The following XKR4 variants were observed in gnomAD, a reference collection of about 807,000 sequenced individuals.
XKR4 encodes the protein XK related 4, also known as XK-related protein 4.
XKR4 carries 12 observed loss-of-function variants against 53.9 expected under a neutral mutation model. The observed-to-expected ratio is 0.22, with a 90% confidence interval of 0.14 to 0.36. The LOEUF (loss-of-function observed/expected upper bound fraction) is 0.36, where lower values mean the gene tolerates loss of function less well. XKR4 is among the 10% of genes least tolerant of loss of function. The pLI, the probability that XKR4 is intolerant of heterozygous loss-of-function variation, is 1.00. For missense variants in XKR4, 799 were observed against 859.5 expected (o/e 0.93, Z 0.88); for synonymous variants, 354 against 362.4 (o/e 0.98, Z 0.26).
chr8:55,197,948 A>T (rs1435033880), intron 1 of XKR4, among the ~76,000 whole-genome samples: 1 of 152,204 alleles, frequency 6.6e-6, no homozygotes, highest in Non-Finnish European at 1.5e-5. Flanking sequence ...GTTGGGCCTG[A>T]GAATTGTGGT....
At chr8:55,292,578 A>G (rs1213601955) in intron 1 of XKR4, among the ~76,000 whole-genome samples, 1 of 152,156 alleles carries the variant, frequency 6.6e-6, no homozygotes, top group Non-Finnish European at 1.5e-5. Context: ...CAATTTTATT[A>G]ATCTTTTCAA....
chr8:55,346,240 C>A (rs2129382893), intron 1 of XKR4, among the ~76,000 whole-genome samples: 1 of 152,116 alleles, frequency 6.6e-6, no homozygotes, highest in South Asian at 2.1e-4. Flanking sequence ...CATGCACTAC[C>A]ACACTCGGCT....
chr8:55,329,940 A>G (rs765129871), intron 1 of XKR4, among the ~76,000 whole-genome samples: 12 of 152,148 alleles, frequency 7.9e-5, no homozygotes, highest in Admixed American at 5.9e-4. Flanking sequence ...TAATCTCTCC[A>G]AGCTTCAGGC....
chr8:55,465,484 C>T lies in XKR4; in HGVS notation c.1007-57797C>T, dbSNP rs865817976. Reference sequence around the variant, plus strand: ...TCCTTACACCTTATACAAAAATTAACTCAAGATGGATTAAAGACTTAAATG... The same window carrying T: ...TCCTTACACCTTATACAAAAATTAATTCAAGATGGATTAAAGACTTAAATG... On this transcript the variant is annotated intron_variant, in intron 2 of 2. Transcript: ENST00000327381. 3.4e-4 allele frequency among the ~76,000 whole-genome samples: 51 copies of T among 150,554 alleles called. No individual in the cohort carries two copies. The East Asian group carries it at 6.8e-3, about 20-fold the overall frequency.
At chr8:55,319,516 A>T (rs1803174848) in intron 1 of XKR4, among the ~76,000 whole-genome samples, 1 of 152,196 alleles carries the variant, frequency 6.6e-6, no homozygotes, top group South Asian at 2.1e-4. Context: ...AAAAAAATGA[A>T]GCAGTTATTT....
At chr8:55,478,965 C>A (rs1399424200) in intron 2 of XKR4, among the ~76,000 whole-genome samples, 6 of 152,056 alleles carry the variant, frequency 3.9e-5, no homozygotes, top group African/African-American at 1.4e-4. Flanking sequence ...ACTTTAACAC[C>A]CCACTGTCAA....
In XKR4 at chr8:55,473,892, T is replaced by C. The variant is rs545163579; in HGVS notation, c.1007-49389T>C. On this transcript the variant is annotated intron_variant, in intron 2 of 2. Transcript: ENST00000327381. ...CACCCCACCTTCCTCCCTCCTTCCC[T>C]CCCTCCCTCTCTCTGTCTTTCCTTC... Among the ~76,000 whole-genome samples, 95 of 137,122 alleles carry C rather than the reference T, an allele frequency of 6.9e-4. 1 individual carries two copies. The highest frequency in any genetic ancestry group is 2.5e-3 in the African/African-American group (93 of 37,642). 90.0% of individuals were successfully genotyped at this position (137,122 alleles called of 152,430 possible).
chr8:55,123,357 G>T (rs1816417950), intron 1 of XKR4, among the ~76,000 whole-genome samples: 1 of 152,194 alleles, frequency 6.6e-6, no homozygotes, highest in Admixed American at 6.5e-5. Flanking sequence ...CCACAGAAAT[G>T]AAAAGGCATA....
At chr8:55,333,555 G>A (rs192319068) in intron 1 of XKR4, among the ~76,000 whole-genome samples, 22 of 152,108 alleles carry the variant, frequency 1.4e-4, no homozygotes, top group African/African-American at 4.6e-4. Context: ...GACCTTAGCT[G>A]TTCTATTGTA....
Position 55,289,669 on chromosome 8 carries a change from AAAAGAAAGAGAAAGAAAG to A in XKR4, c.807-67979_807-67962del, listed in dbSNP as rs1253808524. 3.8e-3 allele frequency among the ~76,000 whole-genome samples: 278 copies of A among 74,126 alleles called. 5 individuals are homozygous for A. Among genetic ancestry groups the A allele is most frequent in the African/African-American group, 9.0e-3 (265 of 29,290 alleles). The allele number at this position is 74,126 out of a possible 152,430, so 48.6% of individuals were successfully genotyped here. ...AGAAAGGAAGGAAGGAAAAGAAAAG[AAAAGAAAGAGAAAGAAAG>A]AAAGAAAGAGAAAGAAAGAAAGAAA... On this transcript the variant is annotated intron_variant, in intron 1 of 2. Transcript: ENST00000327381.
chr8:55,466,519 T>A (rs899281468), intron 2 of XKR4, among the ~76,000 whole-genome samples: 2 of 151,898 alleles, frequency 1.3e-5, no homozygotes, highest in African/African-American at 2.4e-5. Flanking sequence ...TAGCATTAGG[T>A]GATATACCTA....
chr8:55,257,080 A>G (rs534287515), intron 1 of XKR4, among the ~76,000 whole-genome samples: 2 of 152,116 alleles, frequency 1.3e-5, no homozygotes, highest in Non-Finnish European at 2.9e-5. Context: ...TCATCTCTTA[A>G]TACCATCACA....
At chr8:55,434,748 A>AC (rs1015400606) in intron 2 of XKR4, among the ~76,000 whole-genome samples, 2 of 152,106 alleles carry the variant, frequency 1.3e-5, no homozygotes, top group African/African-American at 4.8e-5. Context: ...CTGTGTTTCG[A>AC]CTTTGCTGCT....
chr8:55,142,986 C>T (rs973418008), intron 1 of XKR4, among the ~76,000 whole-genome samples: 1 of 148,618 alleles, frequency 6.7e-6, no homozygotes, highest in African/African-American at 2.5e-5. Flanking sequence ...ATTCATTTGC[C>T]TTTTTTTTTT....
intron 2 of XKR4, among the ~76,000 whole-genome samples, chr8:55,434,971 T>C (rs1805153728): frequency 6.6e-6 from 1 of 151,974 alleles, no homozygotes; most frequent in Non-Finnish European, 1.5e-5. Flanking sequence ...AATGCTTGGG[T>C]GTGGAGTTCA....
chr8:55,277,032 T>C (rs540624213), intron 1 of XKR4, among the ~76,000 whole-genome samples: 1 of 152,326 alleles, frequency 6.6e-6, no homozygotes, highest in East Asian at 1.9e-4. Context: ...TATAGCTGAG[T>C]CTGACAGCAC....
chr8:55,115,903 TG>T (rs1403064955), intron 1 of XKR4, among the ~76,000 whole-genome samples: 1 of 152,202 alleles, frequency 6.6e-6, no homozygotes, highest in African/African-American at 2.4e-5. Context: ...TTATGTCATT[TG>T]GGCTTTAGGA....
intron 1 of XKR4, among the ~76,000 whole-genome samples, chr8:55,214,738 T>C (rs1299059384): frequency 6.6e-6 from 1 of 152,168 alleles, no homozygotes; most frequent in African/African-American, 2.4e-5. Flanking sequence ...GTCCCCTGTT[T>C]ACCTGTGGGT....
chr8:55,335,665 G>T (rs1246946972), intron 1 of XKR4, among the ~76,000 whole-genome samples: 1 of 152,110 alleles, frequency 6.6e-6, no homozygotes, highest in Non-Finnish European at 1.5e-5. Flanking sequence ...AAAGCCTGGA[G>T]ACAATCCAAA....
Sources: allele counts gnomAD v4.1 joint callset (sites outside exome capture counted in the v4.1 genomes callset), GRCh38; gene constraint gnomAD v4.1.1; transcripts MANE v1.5; gene names NCBI Gene and HGNC (gene_info 2026-07-23, HGNC 2026-07-21).